The following HEATR5B variants were observed in gnomAD, a reference collection of about 807,000 sequenced individuals.
HEATR5B encodes HEAT repeat containing 5B.
In HEATR5B, 156 loss-of-function variants were observed where a neutral mutation model predicts 224.1. That is an observed-to-expected ratio of 0.70 (90% CI 0.61 to 0.80). The LOEUF is 0.80. Among genes scored for constraint, HEATR5B ranks in the 30% least tolerant of loss-of-function variants. The pLI is 0.00. For missense variants in HEATR5B, 2,323 were observed against 2,535.5 expected, an observed-to-expected ratio of 0.92 and a Z score of 1.80; for synonymous variants, 1,027 against 893.0, an observed-to-expected ratio of 1.15 and a Z score of -2.68.
intron 21 of HEATR5B, among the ~76,000 whole-genome samples, chr2:37,034,351 C>T (rs1669335637): frequency 7.0e-6 from 1 of 142,004 alleles, no homozygotes; most frequent in Non-Finnish European, 1.5e-5. Flanking sequence ...CGGTGGCTCA[C>T]GCCTGTAATC....
At chr2:36,993,351 A>G (rs753675925) in intron 33 of HEATR5B, among the ~76,000 whole-genome samples, 8 of 152,110 alleles carry the variant, frequency 5.3e-5, no homozygotes, top group Non-Finnish European at 8.8e-5. Flanking sequence ...AGCCTGGCCA[A>G]CGTGGCAAAA....
At chr2:37,046,389 A>G (rs1389866523) in intron 18 of HEATR5B, among the ~76,000 whole-genome samples, 1 of 152,184 alleles carries the variant, frequency 6.6e-6, no homozygotes, top group Non-Finnish European at 1.5e-5. Flanking sequence ...CTGTAATCGC[A>G]GCATTTTGGG....
chr2:37,038,036 TGAAA>T lies in HEATR5B; in HGVS notation c.3047-16_3047-13del, dbSNP rs1443507702. 5.5e-6 allele frequency: 8 copies of T among 1,457,964 alleles called. No homozygotes were observed. In the Admixed American group the frequency reaches 1.6e-4, roughly 29 times the overall value. 90.3% of individuals were successfully genotyped at this position (1,457,964 alleles called of 1,614,324 possible). On this transcript the variant is annotated splice_polypyrimidine_tract_variant and intron_variant, in intron 20 of 35. Transcript: ENST00000233099. ...TGTTGCTCCATTCCCTGGTGCAAAA[TGAAA>T]GAAAATATAAAATATAATTATTTTA...
At chr2:37,048,947 C>T (rs935434090) in intron 18 of HEATR5B, among the ~76,000 whole-genome samples, 1 of 152,150 alleles carries the variant, frequency 6.6e-6, no homozygotes, top group Non-Finnish European at 1.5e-5. Context: ...ACATAGTTTG[C>T]TATATTTAAT....
intron 7 of HEATR5B, among the ~76,000 whole-genome samples, chr2:37,069,800 G>C (rs1671796745): frequency 6.6e-6 from 1 of 151,786 alleles, no homozygotes; most frequent in Non-Finnish European, 1.5e-5. Context: ...TTCGGTAAAA[G>C]AAACATTTCG....
rs1666554101 is a variant in HEATR5B, at chr2:36,994,502, C to T, written c.5546-3703G>A. Among the ~76,000 whole-genome samples, 4 of 152,260 alleles carry T rather than the reference C, an allele frequency of 2.6e-5. No individual in the cohort carries two copies. In the South Asian group the frequency reaches 8.3e-4, roughly 32 times the overall value. ...GCTTGTTAAGCAAGGGATCTGCTTGCCTCGATATACAAATATACAAATATG... is the reference window on the plus strand; with the variant it reads ...GCTTGTTAAGCAAGGGATCTGCTTGTCTCGATATACAAATATACAAATATG... On this transcript the variant is annotated intron_variant, in intron 33 of 35. Transcript: ENST00000233099.
chr2:36,992,738 TA>T (rs1413706993), intron 33 of HEATR5B, among the ~76,000 whole-genome samples: 1 of 152,162 alleles, frequency 6.6e-6, no homozygotes, highest in Non-Finnish European at 1.5e-5. Flanking sequence ...TTTTAAAAAT[TA>T]TTTTTTTTTC....
chr2:37,019,894 AGCAT>A lies in HEATR5B; in HGVS notation c.4036-21_4036-18del. 1 of 1,559,582 alleles carries A rather than the reference AGCAT, an allele frequency of 6.4e-7. No individual in the cohort carries two copies. The highest frequency in any genetic ancestry group is 8.8e-7 in the Non-Finnish European group (1 of 1,140,366). On this transcript the variant is annotated intron_variant, in intron 25 of 35. Transcript: ENST00000233099. ...AGCTCCCACCTAGAAAAATAAATAA[AGCAT>A]TTTATTTTTTACTTTTATTTTTTGA...
chr2:37,017,971 C>T (rs1162602142), intron 26 of HEATR5B, among the ~76,000 whole-genome samples: 1 of 151,958 alleles, frequency 6.6e-6, no homozygotes, highest in Non-Finnish European at 1.5e-5. Flanking sequence ...TCTGAGGGTC[C>T]TTCCTATAAT....
intron 2 of HEATR5B, among the ~76,000 whole-genome samples, chr2:37,079,625 C>A (rs1038264265): frequency 1.3e-5 from 2 of 152,062 alleles, no homozygotes; most frequent in African/African-American, 4.8e-5. Context: ...AAACCAACAG[C>A]CAAAGGATGC....
intron 7 of HEATR5B, among the ~76,000 whole-genome samples, chr2:37,069,383 TTTTGAC>T (rs1392131705): frequency 6.6e-6 from 1 of 152,238 alleles, no homozygotes; most frequent in Non-Finnish European, 1.5e-5. Flanking sequence ...AAAATCGTGA[TTTTGAC>T]TATGATCACC....
At chr2:37,002,600 T>G in intron 31 of HEATR5B, 28 bp from the exon 32 acceptor site, 1 of 1,596,386 alleles carries the variant, frequency 6.3e-7, no homozygotes, top group Non-Finnish European at 8.5e-7. Flanking sequence ...TTGGTGAAAT[T>G]TCCAGCCAAA....
At chr2:37,032,201 T>C (rs965484195) in intron 22 of HEATR5B, among the ~76,000 whole-genome samples, 1 of 152,206 alleles carries the variant, frequency 6.6e-6, no homozygotes, top group South Asian at 2.1e-4. Flanking sequence ...TTTCAGTTTT[T>C]TTAAGCTGCA....
At chr2:37,052,355 G>A (rs1670614970) in intron 17 of HEATR5B, among the ~76,000 whole-genome samples, 2 of 152,058 alleles carry the variant, frequency 1.3e-5, no homozygotes, top group South Asian at 4.2e-4. Flanking sequence ...TGCTGTCAAT[G>A]GGAACTTGTT....
At chr2:37,015,870 T>C (rs1668080519) in intron 26 of HEATR5B, among the ~76,000 whole-genome samples, 1 of 151,844 alleles carries the variant, frequency 6.6e-6, no homozygotes, top group Admixed American at 6.6e-5. Context: ...TATTGTTAAA[T>C]TTTTTTCAAG....
chr2:37,011,124 G>C (rs908427592), intron 27 of HEATR5B, among the ~76,000 whole-genome samples: 1 of 152,032 alleles, frequency 6.6e-6, no homozygotes, highest in Non-Finnish European at 1.5e-5. Flanking sequence ...ATGAACACTC[G>C]GCAGTTTATG....
chr2:37,082,623 G>A (rs1324159940), intron 2 of HEATR5B, among the ~76,000 whole-genome samples: 1 of 152,246 alleles, frequency 6.6e-6, no homozygotes, highest in East Asian at 1.9e-4. Flanking sequence ...TGTTCCTGCT[G>A]CACAGAACTA....
chr2:37,043,638 C>T (rs1254710510), intron 18 of HEATR5B, among the ~76,000 whole-genome samples: 1 of 152,104 alleles, frequency 6.6e-6, no homozygotes, highest in Non-Finnish European at 1.5e-5. Flanking sequence ...AAAGGGTGCT[C>T]ATTTTTCTTC....
chr2:36,993,873 A>T (rs1387011232), intron 33 of HEATR5B, among the ~76,000 whole-genome samples: 1 of 152,182 alleles, frequency 6.6e-6, no homozygotes, highest in Non-Finnish European at 1.5e-5. Flanking sequence ...CATTCTACAT[A>T]ATAGATGGCT....
Sources: gnomAD v4.1 joint callset for allele counts (sites outside exome capture counted in the v4.1 genomes callset) on GRCh38, gnomAD v4.1.1 for gene constraint, MANE v1.5 for transcripts, NCBI Gene and HGNC (gene_info 2026-07-23, HGNC 2026-07-21) for gene names.